The following ZIC2 variants were observed in gnomAD, a reference collection of about 807,000 sequenced individuals.
The protein encoded by ZIC2 is Zic family zinc finger 2.
ZIC2 carries 7 observed loss-of-function variants against 29.5 expected under a neutral mutation model. The observed-to-expected ratio is 0.24, with a 90% confidence interval of 0.14 to 0.45. The LOEUF is 0.45. ZIC2 is among the 20% of genes least tolerant of loss of function. ZIC2 has a pLI of 1.00. For missense variants in ZIC2, 589 were observed against 781.2 expected, an observed-to-expected ratio of 0.75 and a Z score of 2.93; for synonymous variants, 408 against 354.2, an observed-to-expected ratio of 1.15 and a Z score of -1.70.
At position 99,985,520 on chromosome 13, in the gene ZIC2, C is replaced by T. The variant is rs1426661878; in HGVS notation, c.1437C>T (p.Gly479=). The part of the protein sequence containing the change: ...AAVSAVHRGG[G]SGSGGAGGGS... ...TGTCCGCGGTGCACCGGGGCGGAGG[C>T]TCGGGCAGTGGCGGCGCGGGAGGCG... Residue 479 remains glycine, a synonymous_variant, in exon 3 of 3, where the codon GGC becomes GGT. Transcript: ENST00000376335. This position sits in a 1 kb window ranked among gnomAD's most constrained non-coding sequence, Gnocchi z 6.3. 4 of 1,051,016 alleles carry T rather than the reference C, an allele frequency of 3.8e-6. No homozygotes were observed. In the African/African-American group the frequency reaches 6.9e-5, roughly 18 times the overall value. The allele number at this position is 1,051,016 out of a possible 1,614,324, so 65.1% of individuals were successfully genotyped here. A position where few individuals can be genotyped will look rare whatever the true frequency, so the allele number is the denominator to read the frequency against.
At position 99,982,076 on chromosome 13, in the gene ZIC2, C is replaced by T; in HGVS notation, c.12C>T (p.Asp4=). 1.6e-6 allele frequency: 2 copies of T among 1,248,436 alleles called. No individual in the cohort carries two copies. The highest frequency in any genetic ancestry group is 2.0e-6 in the Non-Finnish European group (2 of 999,582). The allele number at this position is 1,248,436 out of a possible 1,614,324, so 77.3% of individuals were successfully genotyped here. ...CGGGCGCGCTGGCCATGCTCCTGGA[C>T]GCGGGTCCGCAGTTCCCGGCCATCG... is the stretch of plus-strand genomic sequence containing the variant. MLL[D]AGPQFPAIGV... Residue 4 remains aspartate (D), a synonymous_variant, in exon 1 of 3, where the codon GAC becomes GAT. Coordinates refer to ENST00000376335, the MANE Select transcript of ZIC2 (RefSeq NM_007129.5).
At position 99,982,508 on chromosome 13, in the gene ZIC2, C is replaced by A. The variant is rs1215933692; in HGVS notation, c.444C>A (p.His148Gln). 1 of 1,510,076 alleles carries A rather than the reference C, an allele frequency of 6.6e-7. No homozygotes were observed. The highest frequency in any genetic ancestry group is 1.3e-5 in the South Asian group (1 of 76,558). The allele number at this position is 1,510,076 out of a possible 1,614,324, so 93.5% of individuals were successfully genotyped here. The change falls in exon 1 of 3, where the codon CAC (histidine) becomes CAA (glutamine). Residue 148 changes from histidine (H) to glutamine (Q), a missense_variant. Coordinates refer to ENST00000376335, the MANE Select transcript of ZIC2 (RefSeq NM_007129.5). ...GGCCGGGCGCGGGCGGCCTGCACCA[C>A]GCGCACTCGGACGCGCAGGGCCACC... Reference protein sequence around the residue: ...LFGPGAGGLHHAHSDAQGHLL... With the variant: ...LFGPGAGGLHQAHSDAQGHLL...
chr13:99,985,934 AAAAT>A lies in ZIC2; in HGVS notation c.*256_*259del. 2.7e-6 allele frequency: 1 copy of A among 377,230 alleles called. No individual in the cohort carries two copies. The highest frequency in any genetic ancestry group is 5.1e-6 in the Non-Finnish European group (1 of 196,046). The allele number at this position is 377,230 out of a possible 1,614,324, so 23.4% of individuals were successfully genotyped here. A position where few individuals can be genotyped will look rare whatever the true frequency, so the allele number is the denominator to read the frequency against. Reference sequence around the variant, plus strand: ...AAATATAAAACAAATAAAAAATAAAAAAATAAAAACCCACAAAAATGTTGAACCA... The same window carrying A: ...AAATATAAAACAAATAAAAAATAAAAAAAAACCCACAAAAATGTTGAACCA... On this transcript the variant is annotated 3_prime_UTR_variant, in exon 3 of 3. Coordinates refer to ENST00000376335, the MANE Select transcript of ZIC2 (RefSeq NM_007129.5). The surrounding 1 kb of genome is among the most constrained non-coding windows in gnomAD (Gnocchi z 6.3).
Position 99,985,736 on chromosome 13 carries a change from C to A in ZIC2, c.*54C>A. ...TCCCCACCCCAGCGCAGCAGCCCTC[C>A]CCGCAGCTAGCAGCGAGGGCACCTT... On this transcript the variant is annotated 3_prime_UTR_variant, in exon 3 of 3. Coordinates refer to ENST00000376335, the MANE Select transcript of ZIC2 (RefSeq NM_007129.5). This position sits in a 1 kb window ranked among gnomAD's most constrained non-coding sequence, Gnocchi z 6.3. The A allele has an allele frequency of 8.9e-7, 1 of 1,120,486 alleles. No homozygotes were observed. Among genetic ancestry groups the A allele is most frequent in the Non-Finnish European group, 1.2e-6 (1 of 855,756 alleles). 69.4% of individuals were successfully genotyped at this position (1,120,486 alleles called of 1,614,324 possible).
In ZIC2 at chr13:99,982,141, C is replaced by A. The variant is rs1402597881; in HGVS notation, c.77C>A (p.Ala26Glu). The A allele has an allele frequency of 7.7e-7, 1 of 1,294,964 alleles. No homozygotes were observed. Among genetic ancestry groups the A allele is most frequent in the Non-Finnish European group, 9.8e-7 (1 of 1,024,320 alleles). The allele number at this position is 1,294,964 out of a possible 1,614,324, so 80.2% of individuals were successfully genotyped here. A position where few individuals can be genotyped will look rare whatever the true frequency, so the allele number is the denominator to read the frequency against. ...GCGCGCCACCATCACCACTCCGCCG[C>A]GGCGGCGGCGGCGGCTGCCGCCGAG... Reference protein sequence around the residue: ...SFARHHHHSAAAAAAAAAEMQ... With the variant: ...SFARHHHHSAEAAAAAAAEMQ... The change falls in exon 1 of 3, where the codon GCG (alanine) becomes GAG (glutamate). Residue 26 changes from alanine to glutamate, a missense_variant. By Grantham distance (107) the Ala-to-Glu change is moderately radical. Coordinates refer to ENST00000376335, the MANE Select transcript of ZIC2 (RefSeq NM_007129.5).
rs1215303020 is a variant in ZIC2, at chr13:99,985,478, G to T, written c.1395G>T (p.Ala465=). The change falls in exon 3 of 3, where the codon GCG becomes GCT. Residue 465 remains alanine (A), a synonymous_variant. Coordinates refer to ENST00000376335, the MANE Select transcript of ZIC2 (RefSeq NM_007129.5). This position sits in a 1 kb window ranked among gnomAD's most constrained non-coding sequence, Gnocchi z 6.3. ...PAAAAAAAAA[A]AAAAAVSAVH... is the part of the protein sequence containing the mutation. ...CGGCGGCAGCGGCGGCGGCGGCTGC[G>T]GCGGCGGCGGCCGCGGTGTCCGCGG... 13 of 1,266,642 alleles carry T rather than the reference G, an allele frequency of 1.0e-5. No individual in the cohort carries two copies. Among genetic ancestry groups the T allele is most frequent in the Admixed American group, 4.3e-5 (1 of 23,470 alleles). The allele number at this position is 1,266,642 out of a possible 1,614,324, so 78.5% of individuals were successfully genotyped here.
Position 99,985,534 on chromosome 13 carries a change from G to A in ZIC2, c.1451G>A (p.Gly484Asp). 1 of 1,003,492 alleles carries A rather than the reference G, an allele frequency of 1.0e-6. No homozygotes were observed. The highest frequency in any genetic ancestry group is 1.2e-6 in the Non-Finnish European group (1 of 844,534). 62.2% of individuals were successfully genotyped at this position (1,003,492 alleles called of 1,614,324 possible). A position where few individuals can be genotyped will look rare whatever the true frequency, so the allele number is the denominator to read the frequency against. Residue 484 changes from glycine (G) to aspartate (D), a missense_variant, in exon 3 of 3, where the codon GGC becomes GAC. Gly to Asp is a moderately conservative substitution (Grantham distance 94). Transcript: ENST00000376335. The surrounding 1 kb of genome is among the most constrained non-coding windows in gnomAD (Gnocchi z 6.3). ...VHRGGGSGSG[G>D]AGGGSGGGSG... ...CGGGGCGGAGGCTCGGGCAGTGGCGGCGCGGGAGGCGGCTCAGGCGGCGGC... is the reference window on the plus strand; with the variant it reads ...CGGGGCGGAGGCTCGGGCAGTGGCGACGCGGGAGGCGGCTCAGGCGGCGGC...
Position 99,985,416 on chromosome 13 carries a change from G to C in ZIC2, c.1333G>C (p.Ala445Pro). ...STPPGLVSPS[A>P]EPQSSSNLSP... Reference sequence around the variant, plus strand: ...GCCCCCGGGGCTGGTGTCCCCCAGCGCCGAGCCCCAGAGCAGCTCCAACCT... The same window carrying C: ...GCCCCCGGGGCTGGTGTCCCCCAGCCCCGAGCCCCAGAGCAGCTCCAACCT... The change falls in exon 3 of 3, where the codon GCC becomes CCC. Residue 445 changes from alanine to proline, a missense_variant. By Grantham distance (27) the Ala-to-Pro change is conservative. This residue lies in a region of ZIC2 where 135 missense variants were observed against 136.7 expected (regional missense o/e 0.99). Coordinates refer to ENST00000376335, the MANE Select transcript of ZIC2 (RefSeq NM_007129.5). This position sits in a 1 kb window ranked among gnomAD's most constrained non-coding sequence, Gnocchi z 6.3. 1 of 1,595,186 alleles carries C rather than the reference G, an allele frequency of 6.3e-7. No individual in the cohort carries two copies. The highest frequency in any genetic ancestry group is 8.5e-7 in the Non-Finnish European group (1 of 1,177,932).
chr13:99,981,871 G>A lies in ZIC2; in HGVS notation c.-194G>A, dbSNP rs569961727. On this transcript the variant is annotated 5_prime_UTR_variant, in exon 1 of 3. Transcript: ENST00000376335. ...CTCTCCGCGCCTTCGCTACGCGCCC[G>A]GCCGCCCGAGGCAGATCCAGGCGGC... 20 of 1,167,148 alleles carry A rather than the reference G, an allele frequency of 1.7e-5. No homozygotes were observed. In the South Asian group the frequency reaches 2.7e-4, roughly 15 times the overall value. The allele number at this position is 1,167,148 out of a possible 1,614,324, so 72.3% of individuals were successfully genotyped here. A position where few individuals can be genotyped will look rare whatever the true frequency, so the allele number is the denominator to read the frequency against.
At position 99,982,442 on chromosome 13, in the gene ZIC2, C is replaced by T; in HGVS notation, c.378C>T (p.Phe126=). Reference sequence around the variant, plus strand: ...ACTTCCTGTTCCGCAGCCGCGGCTTCGGGGACTCGGCGCCGGGCGGCGGGC... The same window carrying T: ...ACTTCCTGTTCCGCAGCCGCGGCTTTGGGGACTCGGCGCCGGGCGGCGGGC... The part of the protein sequence containing the change: ...TRDFLFRSRG[F]GDSAPGGGQH... The change falls in exon 1 of 3, where the codon TTC becomes TTT. Residue 126 remains phenylalanine, a synonymous_variant. Coordinates refer to ENST00000376335, the MANE Select transcript of ZIC2 (RefSeq NM_007129.5). The T allele has an allele frequency of 6.9e-7, 1 of 1,440,002 alleles. No individual in the cohort carries two copies. The highest frequency in any genetic ancestry group is 1.5e-5 in the African/African-American group (1 of 65,798). 89.2% of individuals were successfully genotyped at this position (1,440,002 alleles called of 1,614,324 possible).
rs1219859638 is a variant in ZIC2, at chr13:99,982,626, T to C, written c.562T>C (p.Phe188Leu). ...GCGCCTCGGGCTGCCCGGCGAGGTG[T>C]TCGGGCGCTCGGAGCAATACCGCCA... ...QMRLGLPGEVFGRSEQYRQVA... is the reference protein window; with the variant it reads ...QMRLGLPGEVLGRSEQYRQVA... Residue 188 changes from phenylalanine (F) to leucine (L), a missense_variant, in exon 1 of 3, where the codon TTC (phenylalanine) becomes CTC (leucine). Physicochemically the swap from Phe to Leu is conservative, Grantham distance 22. Around this residue, in one of 7 missense-constraint regions of ZIC2, gnomAD observed 358 missense variants for 382.0 expected, o/e 0.94. Coordinates refer to ENST00000376335, the MANE Select transcript of ZIC2 (RefSeq NM_007129.5). 1 of 1,594,188 alleles carries C rather than the reference T, an allele frequency of 6.3e-7. No homozygotes were observed. Among genetic ancestry groups the C allele is most frequent in the South Asian group, 1.1e-5 (1 of 90,282 alleles).
chr13:99,983,218 C>T lies in ZIC2; in HGVS notation c.1075+79C>T, dbSNP rs1237982808. The T allele has an allele frequency of 6.5e-6, 10 of 1,547,300 alleles. No individual in the cohort carries two copies. In the South Asian group the frequency reaches 8.4e-5, roughly 13 times the overall value. On this transcript the variant is annotated intron_variant, in intron 1 of 2. Coordinates refer to ENST00000376335, the MANE Select transcript of ZIC2 (RefSeq NM_007129.5). This position sits in a 1 kb window ranked among gnomAD's most constrained non-coding sequence, Gnocchi z 4.7. ...GAGACTCAGGCTGTGGGTGCCGACG[C>T]TGGGCGCAGACCGCCAGCCGGGGAC...
In ZIC2 at chr13:99,982,077, G is replaced by C; in HGVS notation, c.13G>C (p.Ala5Pro). The change falls in exon 1 of 3, where the codon GCG becomes CCG. Residue 5 changes from alanine to proline, a missense_variant. Ala to Pro is a conservative substitution (Grantham distance 27). Transcript: ENST00000376335. ...GGGCGCGCTGGCCATGCTCCTGGAC[G>C]CGGGTCCGCAGTTCCCGGCCATCGG... is the stretch of plus-strand genomic sequence containing the variant. MLLDAGPQFPAIGVG... is the reference protein window; with the variant it reads MLLDPGPQFPAIGVG... The C allele has an allele frequency of 1.6e-6, 2 of 1,247,664 alleles. No individual in the cohort carries two copies. Among genetic ancestry groups the C allele is most frequent in the Non-Finnish European group, 1.0e-6 (1 of 999,048 alleles). 77.3% of individuals were successfully genotyped at this position (1,247,664 alleles called of 1,614,324 possible). A position where few individuals can be genotyped will look rare whatever the true frequency, so the allele number is the denominator to read the frequency against.
intron 1 of ZIC2, chr13:99,984,247 AAC>A (rs1344406357): frequency 6.5e-6 from 1 of 154,370 alleles, no homozygotes; most frequent in Non-Finnish European, 1.4e-5. Context: ...GAATTCTGGC[AAC>A]AGGATGCAGA....
At position 99,982,830 on chromosome 13, in the gene ZIC2, C is replaced by T; in HGVS notation, c.766C>T (p.Leu256=). 6.2e-7 allele frequency: 1 copy of T among 1,612,926 alleles called. No homozygotes were observed. Among genetic ancestry groups the T allele is most frequent in the East Asian group, 2.2e-5 (1 of 44,784 alleles). The change falls in exon 1 of 3, where the codon CTA becomes TTA. Residue 256 remains leucine (L), a synonymous_variant. Transcript: ENST00000376335. The part of the protein sequence containing the change: ...YMRQQCIKQE[L]ICKWIDPEQL... ...GCGGCAGCAGTGCATCAAGCAGGAG[C>T]TAATCTGCAAGTGGATCGACCCCGA...
rs900226537 is a variant in ZIC2 at position 99,986,084 on chromosome 13, G to A, written c.*402G>A. The A allele has an allele frequency of 8.8e-6, 4 of 454,638 alleles. No individual in the cohort carries two copies. The highest frequency in any genetic ancestry group is 8.0e-5 in the African/African-American group (4 of 49,950). 28.2% of individuals were successfully genotyped at this position (454,638 alleles called of 1,614,324 possible). ...GAGGTGGTTTTAAAGGCTTTTTGGTGTATAGAAGTTTGTCCATTTGTAAAA... is the reference window on the plus strand; with the variant it reads ...GAGGTGGTTTTAAAGGCTTTTTGGTATATAGAAGTTTGTCCATTTGTAAAA... On this transcript the variant is annotated 3_prime_UTR_variant, in exon 3 of 3. Transcript: ENST00000376335.
chr13:99,984,627 C>G, intron 1 of ZIC2: 1 of 398,432 alleles, frequency 2.5e-6, no homozygotes, highest in Non-Finnish European at 4.8e-6. Context: ...GTGGCGAGAG[C>G]AACTTGTTAG....
Position 99,982,232 on chromosome 13 carries a change from C to T in ZIC2, c.168C>T (p.His56=). 2 of 1,516,488 alleles carry T rather than the reference C, an allele frequency of 1.3e-6. No homozygotes were observed. Among genetic ancestry groups the T allele is most frequent in the Non-Finnish European group, 1.8e-6 (2 of 1,139,302 alleles). 93.9% of individuals were successfully genotyped at this position (1,516,488 alleles called of 1,614,324 possible). The change falls in exon 1 of 3, where the codon CAC becomes CAT. Residue 56 remains histidine, a synonymous_variant. Coordinates refer to ENST00000376335, the MANE Select transcript of ZIC2 (RefSeq NM_007129.5). ...QNGFVDSAAA[H]MGAFKLNPGA... Reference sequence around the variant, plus strand: ...GCTTCGTTGACTCCGCCGCCGCGCACATGGGAGCCTTCAAGCTCAACCCGG... The same window carrying T: ...GCTTCGTTGACTCCGCCGCCGCGCATATGGGAGCCTTCAAGCTCAACCCGG...
At position 99,985,836 on chromosome 13, in the gene ZIC2, G is replaced by GTTT. The variant is rs34544768; in HGVS notation, c.*168_*170dup. The GTTT allele has an allele frequency of 0.079, 14,722 of 185,614 alleles. 757 individuals carry two copies. The highest frequency in any genetic ancestry group is 0.099 in the Admixed American group (1,521 of 15,334). 11.5% of individuals were successfully genotyped at this position (185,614 alleles called of 1,614,324 possible). ...TTTACCAGCAGAAGGATTTTTTAAA[G>GTTT]TTTTTTTTTTTTTTTTAATAATAAT... On this transcript the variant is annotated 3_prime_UTR_variant, in exon 3 of 3. Transcript: ENST00000376335. This position sits in a 1 kb window ranked among gnomAD's most constrained non-coding sequence, Gnocchi z 6.3.
Sources: allele counts gnomAD v4.1 joint callset, GRCh38; gene constraint gnomAD v4.1.1; regional missense constraint gnomAD v4.1.1; non-coding constraint Gnocchi (gnomAD v3.1); transcripts MANE v1.5; gene names NCBI Gene and HGNC (gene_info 2026-07-23, HGNC 2026-07-21).